The following ADH6 variants were observed in gnomAD, a reference collection of about 807,000 sequenced individuals.
ADH6 encodes the protein alcohol dehydrogenase 6 (class V).
A neutral mutation model predicts 36.5 loss-of-function variants in ADH6; 34 were observed. That is an observed-to-expected ratio of 0.93 (90% CI 0.71 to 1.24). ADH6 has a LOEUF of 1.24. Ranked by LOEUF, ADH6 falls within the 50% of genes most tolerant of loss-of-function variation. The probability of loss-of-function intolerance (pLI) is 0.00; values close to 1 mark genes in which losing one functional copy is unlikely to be tolerated. For synonymous variants in ADH6, 161 were observed against 155.5 expected (o/e 1.04, Z -0.26); for missense variants, 440 against 447.0 (o/e 0.98, Z 0.14).
intron 7 of ADH6, among the ~76,000 whole-genome samples, chr4:99,206,379 C>T (rs988018317): frequency 4.6e-5 from 7 of 151,934 alleles, no homozygotes; most frequent in African/African-American, 1.7e-4. Context: ...GTTTCATTCA[C>T]TGAGGGTTTT....
chr4:99,208,768 T>C lies in ADH6; in HGVS notation c.728A>G (p.Asn243Ser). 6.2e-7 allele frequency: 1 copy of C among 1,613,810 alleles called. No homozygotes were observed. Reference sequence around the variant, plus strand: ...AATGGGTTTCTTTAAGTCCTGAGGGTTGAGGCACTCAGTAGCACCCAATTC... The same window carrying C: ...AATGGGTTTCTTTAAGTCCTGAGGGCTGAGGCACTCAGTAGCACCCAATTC... Reference protein sequence around the residue: ...AQELGATECLNPQDLKKPIQE... With the variant: ...AQELGATECLSPQDLKKPIQE... Residue 243 changes from asparagine (N) to serine (S), a missense_variant, in exon 6 of 9, where the codon AAC becomes AGC. Asn to Ser is a conservative substitution (Grantham distance 46). Coordinates refer to ENST00000394899, the MANE Select transcript of ADH6 (RefSeq NM_001102470.2).
At position 99,219,188 on chromosome 4, in the gene ADH6, A is replaced by G. The variant is rs751864272; in HGVS notation, c.-36T>C. On this transcript the variant is annotated 5_prime_UTR_variant, in exon 1 of 9. Transcript: ENST00000394899. ...TCCACCGCAGATGAATTTATTGAGA[A>G]AGGGAGATCCTGTAGCAACTTTCAC... 2 of 1,601,052 alleles carry G rather than the reference A, an allele frequency of 1.2e-6. No individual in the cohort carries two copies. The highest frequency in any genetic ancestry group is 1.1e-5 in the South Asian group (1 of 90,788).
At chr4:99,212,715 A>G (rs553673574) in intron 3 of ADH6, among the ~76,000 whole-genome samples, 3 of 151,440 alleles carry the variant, frequency 2.0e-5, no homozygotes, top group Non-Finnish European at 4.4e-5. Flanking sequence ...AAGCATTCAT[A>G]TATATATATA....
In ADH6 at chr4:99,219,224, A is replaced by G. The variant is rs1731556201; in HGVS notation, c.-72T>C. On this transcript the variant is annotated 5_prime_UTR_variant, in exon 1 of 9. Transcript: ENST00000394899. ...TGTAGCAACTTTCACTGTAGAAAGT[A>G]CAAAGGTACACAGGCGACTGGTAGA... 6 of 1,376,108 alleles carry G rather than the reference A, an allele frequency of 4.4e-6. No individual in the cohort carries two copies. Among genetic ancestry groups the G allele is most frequent in the Non-Finnish European group, 6.2e-6 (6 of 965,632 alleles). 85.2% of individuals were successfully genotyped at this position (1,376,108 alleles called of 1,614,324 possible).
At chr4:99,217,278 C>T (rs538270370) in intron 1 of ADH6, among the ~76,000 whole-genome samples, 29 of 152,214 alleles carry the variant, frequency 1.9e-4, no homozygotes, top group Middle Eastern at 3.4e-3. Context: ...CCTCGTGATC[C>T]GCCCACCTTG....
chr4:99,207,425 CT>C lies in ADH6; in HGVS notation c.964+20del, dbSNP rs1160985264. On this transcript the variant is annotated intron_variant, in intron 7 of 8. Transcript: ENST00000394899. The stretch of plus-strand genomic sequence containing the variant: ...CCTTCACCTCCTCAGGCATTTCCAC[CT>C]TTCCCTGCTTCATCCATACCTCCAA... 1 of 1,612,306 alleles carries C rather than the reference CT, an allele frequency of 6.2e-7. No homozygotes were observed. Among genetic ancestry groups the C allele is most frequent in the African/African-American group, 1.3e-5 (1 of 74,804 alleles).
At chr4:99,204,871 A>G in intron 8 of ADH6, 54 bp downstream of exon 8, 1 of 1,549,076 alleles carries the variant, frequency 6.5e-7, no homozygotes. Flanking sequence ...AAGCCAATAC[A>G]CCCTTTCTCT....
Position 99,203,151 on chromosome 4 carries a change from G to C in ADH6, c.*1068C>G, listed in dbSNP as rs184370277. 4.4e-5 allele frequency: 8 copies of C among 180,728 alleles called. No individual in the cohort carries two copies. In the East Asian group the frequency reaches 7.9e-4, roughly 18 times the overall value. 11.2% of individuals were successfully genotyped at this position (180,728 alleles called of 1,614,324 possible). On this transcript the variant is annotated 3_prime_UTR_variant, in exon 9 of 9. Transcript: ENST00000394899. ...CATCCAAAGTTTACTGACATGCAGGGACCCCTGTGTGATCTAGTGGGAGTC... is the reference window on the plus strand; with the variant it reads ...CATCCAAAGTTTACTGACATGCAGGCACCCCTGTGTGATCTAGTGGGAGTC...
chr4:99,215,654 A>G (rs1233960400), intron 2 of ADH6: 1 of 152,266 alleles, frequency 6.6e-6, no homozygotes, highest in Non-Finnish European at 1.5e-5. Context: ...GCCGAGAAAA[A>G]TTAGTCTTTA....
chr4:99,204,106 G>A lies in ADH6; in HGVS notation c.*113C>T. On this transcript the variant is annotated 3_prime_UTR_variant, in exon 9 of 9. Transcript: ENST00000394899. ...AGGTCCACTGCGGAGTGAATCAGAA[G>A]TCAGAATATAGAAATGGGATTGGGT... is the stretch of plus-strand genomic sequence containing the variant. 7.6e-7 allele frequency: 1 copy of A among 1,321,846 alleles called. No individual in the cohort carries two copies. Among genetic ancestry groups the A allele is most frequent in the Middle Eastern group, 1.9e-4 (1 of 5,364 alleles). 81.9% of individuals were successfully genotyped at this position (1,321,846 alleles called of 1,614,324 possible).
intron 3 of ADH6, among the ~76,000 whole-genome samples, chr4:99,211,716 G>T (rs1731231220): frequency 6.6e-6 from 1 of 152,136 alleles, no homozygotes; most frequent in Non-Finnish European, 1.5e-5. Context: ...GCCATCAAAA[G>T]AAGAAGAGCA....
At chr4:99,219,002 G>C in intron 1 of ADH6, 133 bp downstream of exon 1, 4 of 808,816 alleles carry the variant, frequency 4.9e-6, no homozygotes, top group Non-Finnish European at 8.2e-6. Context: ...AGGAGGAGGA[G>C]AGATACTATG....
intron 1 of ADH6, among the ~76,000 whole-genome samples, chr4:99,217,293 C>T (rs1731477386): frequency 6.6e-6 from 1 of 152,154 alleles, no homozygotes; most frequent in South Asian, 2.1e-4. Context: ...ACCTTGGCCT[C>T]CCAAAGTGCT....
chr4:99,217,579 A>C (rs7692358), intron 1 of ADH6, among the ~76,000 whole-genome samples: 21,958 of 152,112 alleles, frequency 0.14, 2,120 homozygotes, highest in Admixed American at 0.26. Flanking sequence ...ATAGTACTCC[A>C]TTGTGTATAT....
chr4:99,210,157 G>A lies in ADH6; in HGVS notation c.492C>T (p.Val164=), dbSNP rs1303227056. ...KEISVAKIDA[V]APLEKVCLIS... Reference sequence around the variant, plus strand: ...TTAGGCATACTTTCTCTAGAGGAGCGACTGCATCAATCTTGGCAACTGAGA... The same window carrying A: ...TTAGGCATACTTTCTCTAGAGGAGCAACTGCATCAATCTTGGCAACTGAGA... Residue 164 remains valine (V), a synonymous_variant, in exon 5 of 9, where the codon GTC becomes GTT. Transcript: ENST00000394899. 3.7e-6 allele frequency: 6 copies of A among 1,613,662 alleles called. No homozygotes were observed. Among genetic ancestry groups the A allele is most frequent in the East Asian group, 4.5e-5 (2 of 44,880 alleles).
At chr4:99,213,398 TTTC>T (rs769536892) in intron 3 of ADH6, among the ~76,000 whole-genome samples, 100 of 152,346 alleles carry the variant, frequency 6.6e-4, no homozygotes, top group Admixed American at 1.3e-3. Context: ...CTTCTTGTTT[TTTC>T]TTATTTTCAA....
Position 99,208,652 on chromosome 4 carries a change from C to T in ADH6, c.828+16G>A, listed in dbSNP as rs771101528. On this transcript the variant is annotated intron_variant, in intron 6 of 8. Coordinates refer to ENST00000394899, the MANE Select transcript of ADH6 (RefSeq NM_001102470.2). ...GGTAAAAGTATTGGTAATTTTCACT[C>T]CAGAGGATTACATACCAGAACGTCC... 2.5e-6 allele frequency: 4 copies of T among 1,603,996 alleles called. No individual in the cohort carries two copies. Among genetic ancestry groups the T allele is most frequent in the Non-Finnish European group, 3.4e-6 (4 of 1,175,066 alleles).
intron 8 of ADH6, 135 bp downstream of exon 8, chr4:99,204,790 C>A: frequency 7.5e-7 from 1 of 1,337,080 alleles, no homozygotes; most frequent in Non-Finnish European, 9.6e-7. Flanking sequence ...AGATGCTTTA[C>A]AAATTCCTGA....
At chr4:99,204,404 G>C (rs1187186648) in intron 8 of ADH6, 161 bp from the exon 9 acceptor site, 6 of 1,410,846 alleles carry the variant, frequency 4.3e-6, no homozygotes, top group East Asian at 2.7e-5. Context: ...TTTTTAAAAT[G>C]ACATGAAACT....
Sources: gnomAD v4.1 joint callset for allele counts (sites outside exome capture counted in the v4.1 genomes callset) on GRCh38, gnomAD v4.1.1 for gene constraint, MANE v1.5 for transcripts, NCBI Gene and HGNC (gene_info 2026-07-23, HGNC 2026-07-21) for gene names.